CTPS2: variants seen among roughly 807,000 people sequenced by gnomAD.
CTPS2 encodes CTP synthase II.
In CTPS2, 19 loss-of-function variants were observed where a neutral mutation model predicts 46.8. The ratio of observed to expected loss-of-function variants is 0.41; its 90% CI spans 0.28 to 0.60. The LOEUF (loss-of-function observed/expected upper bound fraction) is 0.60. CTPS2 is among the 20% of genes least tolerant of loss of function. CTPS2 has a pLI of 0.35. For missense variants in CTPS2, 286 were observed against 447.6 expected (o/e 0.64, Z 3.26); for synonymous variants, 151 against 165.2 (o/e 0.91, Z 0.66).
intron 10 of CTPS2, among the ~76,000 whole-genome samples, chrX:16,672,952 T>A (rs1370798260): frequency 2.2e-5 from 2 of 92,370 alleles, no homozygotes; most frequent in Non-Finnish European, 4.2e-5. Context: ...AGTGGCGGGA[T>A]CTCGGCTCAC....
At chrX:16,671,735 G>A (rs765698456) in intron 10 of CTPS2, among the ~76,000 whole-genome samples, 3 of 109,583 alleles carry the variant, frequency 2.7e-5, no homozygotes, top group African/African-American at 9.9e-5. Flanking sequence ...GGCTGGCCTC[G>A]AACTCCTGAG....
rs1423410685 is a variant in CTPS2, at chrX:16,588,527, A to G, written c.*1290T>C. 2 of 81,322 alleles carry G rather than the reference A, an allele frequency of 2.5e-5. No homozygotes were observed. Among genetic ancestry groups the G allele is most frequent in the Non-Finnish European group, 4.7e-5 (2 of 42,644 alleles). The allele number at this position is 81,322 out of a possible 1,213,427, so 6.7% of individuals were successfully genotyped here. On this transcript the variant is annotated 3_prime_UTR_variant, in exon 19 of 19. Coordinates refer to ENST00000359276, the MANE Select transcript of CTPS2 (RefSeq NM_175859.3). ...GTGATCAGTGGGAATGCATGAAAAA[A>G]TGCTCTAGTGGGGGTGAGCCAAAGC... is the stretch of plus-strand genomic sequence containing the variant.
intron 13 of CTPS2, among the ~76,000 whole-genome samples, chrX:16,661,162 G>A (rs1198981816): frequency 7.2e-5 from 8 of 110,919 alleles, no homozygotes; most frequent in Admixed American, 1.9e-4. Context: ...GTTTCACTAC[G>A]TTGGCCAGGC....
At chrX:16,600,394 T>A (rs1929587821) in intron 17 of CTPS2, among the ~76,000 whole-genome samples, 1 of 112,152 alleles carries the variant, frequency 8.9e-6, no homozygotes, top group Non-Finnish European at 1.9e-5. Context: ...AAACAGATTG[T>A]CATGAACACA....
intron 11 of CTPS2, 143 bp from the exon 12 acceptor site, chrX:16,667,867 G>A: frequency 2.1e-5 from 11 of 513,659 alleles, no homozygotes; most frequent in Non-Finnish European, 3.6e-5. Context: ...GCTCCCTGCT[G>A]TCCTCTCAGA....
At chrX:16,689,322 A>G (rs1923500064) in intron 8 of CTPS2, 128 bp downstream of exon 8, 21 of 582,125 alleles carry the variant, frequency 3.6e-5, no homozygotes, top group Non-Finnish European at 5.6e-5. Flanking sequence ...CCATCTTTAG[A>G]CATATCCAGA....
chrX:16,681,370 G>A (rs972646138), intron 9 of CTPS2, among the ~76,000 whole-genome samples: 1 of 111,104 alleles, frequency 9.0e-6, no homozygotes, highest in African/African-American at 3.3e-5. Context: ...ATTATACAAA[G>A]TTTTTGCCAT....
At chrX:16,604,825 T>C (rs1929877994) in intron 17 of CTPS2, among the ~76,000 whole-genome samples, 1 of 112,476 alleles carries the variant, frequency 8.9e-6, no homozygotes, top group African/African-American at 3.2e-5. Flanking sequence ...CCATGCAAAT[T>C]TGTGGTTGCC....
At chrX:16,690,940 T>C (rs770383237) in intron 7 of CTPS2, among the ~76,000 whole-genome samples, 7 of 112,085 alleles carry the variant, frequency 6.2e-5, no homozygotes, top group Non-Finnish European at 9.4e-5. Flanking sequence ...AAGCAGTAAG[T>C]GTTCCAGAAG....
At chrX:16,642,438 G>T (rs982976331) in intron 13 of CTPS2, among the ~76,000 whole-genome samples, 4 of 111,796 alleles carry the variant, frequency 3.6e-5, no homozygotes, top group African/African-American at 1.3e-4. Flanking sequence ...GCTGATGGAG[G>T]GAGGGAACAG....
intron 17 of CTPS2, among the ~76,000 whole-genome samples, chrX:16,604,429 T>C (rs769252078): frequency 6.2e-5 from 7 of 112,379 alleles, no homozygotes; most frequent in African/African-American, 2.3e-4. Context: ...TGGTGTGTAG[T>C]GATTGCTCCC....
chrX:16,701,725 C>T (rs1190795202), intron 2 of CTPS2, among the ~76,000 whole-genome samples: 1 of 109,719 alleles, frequency 9.1e-6, no homozygotes, highest in African/African-American at 3.3e-5. Context: ...CTTAGCCTCC[C>T]GAGTAGCTGG....
At position 16,592,899 on chromosome X, in the gene CTPS2, G is replaced by A. The variant is rs753377458; in HGVS notation, c.1692-2037C>T. Among the ~76,000 whole-genome samples the A allele has an allele frequency of 6.3e-5, 7 of 111,097 alleles. No individual in the cohort carries two copies. The South Asian group carries it at 2.7e-3, about 43-fold the overall frequency. On this transcript the variant is annotated intron_variant, in intron 17 of 18. Coordinates refer to ENST00000359276, the MANE Select transcript of CTPS2 (RefSeq NM_175859.3). ...ATAGGACCAATTATTGACAAATATC[G>A]CCAGGTTGGGTTGCCTTAGAAATAC...
intron 1 of CTPS2, among the ~76,000 whole-genome samples, chrX:16,708,650 T>C (rs1469225483): frequency 9.0e-6 from 1 of 111,466 alleles, no homozygotes; most frequent in Non-Finnish European, 1.9e-5. Context: ...ACAAGGTCTA[T>C]GTTCCACTGG....
chrX:16,598,259 G>T (rs1008532527), intron 17 of CTPS2, among the ~76,000 whole-genome samples: 3 of 111,346 alleles, frequency 2.7e-5, no homozygotes, highest in African/African-American at 9.8e-5. Context: ...AAAAATTAAT[G>T]AATCCAGGAG....
intron 14 of CTPS2, chrX:16,627,186 A>C (rs1931202567): frequency 1.8e-5 from 2 of 112,302 alleles, no homozygotes; most frequent in Admixed American, 9.5e-5. Context: ...CCAGTGTCTT[A>C]ATTTACTTCA....
intron 13 of CTPS2, among the ~76,000 whole-genome samples, chrX:16,662,965 G>C (rs759367104): frequency 9.0e-6 from 1 of 111,330 alleles, no homozygotes; most frequent in South Asian, 3.8e-4. Context: ...CTAATTTGCA[G>C]CATAAATTAA....
intron 14 of CTPS2, among the ~76,000 whole-genome samples, chrX:16,628,317 T>C (rs764777043): frequency 8.9e-6 from 1 of 111,868 alleles, no homozygotes; most frequent in Non-Finnish European, 1.9e-5. Flanking sequence ...CGTCTTTGCT[T>C]TTAACTCTAT....
At chrX:16,698,467 A>G (rs1924295185) in intron 3 of CTPS2, 131 bp from the exon 4 acceptor site, 7 of 463,917 alleles carry the variant, frequency 1.5e-5, no homozygotes, top group Non-Finnish European at 2.6e-5. Context: ...TGAAAAGAAA[A>G]AAACGCAACA....
Sources: gnomAD v4.1 joint callset for allele counts (sites outside exome capture counted in the v4.1 genomes callset) on GRCh38, gnomAD v4.1.1 for gene constraint, MANE v1.5 for transcripts, NCBI Gene and HGNC (gene_info 2026-07-23, HGNC 2026-07-21) for gene names.